Variants in ARHGAP40 observed in about 807,000 individuals in gnomAD.
ARHGAP40 encodes the protein Rho GTPase activating protein 40.
A neutral mutation model predicts 73.5 loss-of-function variants in ARHGAP40; 43 were observed. The ratio of observed to expected loss-of-function variants is 0.58; its 90% CI spans 0.46 to 0.75. The LOEUF is 0.75. Ranked by LOEUF, ARHGAP40 falls within the 30% of genes least tolerant of loss-of-function variation. ARHGAP40 has a pLI of 0.00. For missense variants in ARHGAP40, 734 were observed against 861.8 expected, an observed-to-expected ratio of 0.85 and a Z score of 1.86; for synonymous variants, 300 against 352.8, an observed-to-expected ratio of 0.85 and a Z score of 1.68.
intron 5 of ARHGAP40, among the ~76,000 whole-genome samples, chr20:38,632,717 T>A (rs576352896): frequency 1.3e-5 from 2 of 152,140 alleles, no homozygotes; most frequent in African/African-American, 4.8e-5. Flanking sequence ...GGCGCACACC[T>A]GTAATGCCAG....
At chr20:38,642,969 C>T (rs567950424) in intron 10 of ARHGAP40, among the ~76,000 whole-genome samples, 2 of 152,060 alleles carry the variant, frequency 1.3e-5, no homozygotes, top group Admixed American at 6.5e-5. Context: ...GGTGAAACCC[C>T]GTCTGTACTA....
chr20:38,640,644 A>G (rs1468269236), intron 9 of ARHGAP40, among the ~76,000 whole-genome samples: 1 of 151,964 alleles, frequency 6.6e-6, no homozygotes, highest in Non-Finnish European at 1.5e-5. Context: ...GGTCCTGCCT[A>G]TTTCTGGCCC....
In ARHGAP40 at chr20:38,601,908, A is replaced by C. The variant is rs1245942919; in HGVS notation, c.-35A>C. ...ATCGAGTCAGCCCCACGGCGGCAGC[A>C]CCACGACCGACCGGGATCCTCGAGG... On this transcript the variant is annotated 5_prime_UTR_variant, in exon 1 of 15. Coordinates refer to ENST00000373345, the Ensembl canonical transcript of ARHGAP40. The C allele has an allele frequency of 6.2e-6, 8 of 1,287,218 alleles. No individual in the cohort carries two copies. In the East Asian group the frequency reaches 2.8e-4, roughly 45 times the overall value. 79.7% of individuals were successfully genotyped at this position (1,287,218 alleles called of 1,614,324 possible). A position where few individuals can be genotyped will look rare whatever the true frequency, so the allele number is the denominator to read the frequency against.
At chr20:38,609,928 C>T (rs1351512735) in intron 1 of ARHGAP40, among the ~76,000 whole-genome samples, 2 of 152,166 alleles carry the variant, frequency 1.3e-5, no homozygotes, top group Admixed American at 6.5e-5. Context: ...CCCTTGAGTG[C>T]GTAATGGAAG....
At chr20:38,628,661 G>A (rs1381266409) in intron 3 of ARHGAP40, among the ~76,000 whole-genome samples, 2 of 152,186 alleles carry the variant, frequency 1.3e-5, no homozygotes, top group African/African-American at 4.8e-5. Context: ...AAGCCTGATA[G>A]GTTGTGGGCA....
chr20:38,637,338 A>G (rs947337942), intron 6 of ARHGAP40, among the ~76,000 whole-genome samples: 2 of 151,978 alleles, frequency 1.3e-5, no homozygotes, highest in African/African-American at 2.4e-5. Context: ...TAGTAGAGAC[A>G]GGGTTTCGCC....
intron 3 of ARHGAP40, among the ~76,000 whole-genome samples, chr20:38,628,069 A>T (rs1423356585): frequency 6.6e-6 from 1 of 152,214 alleles, no homozygotes; most frequent in African/African-American, 2.4e-5. Context: ...CAGGGGCAGG[A>T]CCACCCTATA....
intron 1 of ARHGAP40, among the ~76,000 whole-genome samples, chr20:38,614,362 CTTTT>C (rs962368841): frequency 1.3e-5 from 2 of 151,452 alleles, no homozygotes; most frequent in African/African-American, 4.9e-5. Context: ...TTCTTTCTTT[CTTTT>C]TTTTTGAGTT....
At chr20:38,634,882 C>CTT in intron 6 of ARHGAP40, 97 bp downstream of exon 6, 2 of 1,006,568 alleles carry the variant, frequency 2.0e-6, no homozygotes, top group South Asian at 1.9e-5. Flanking sequence ...CTTTGTCTTT[C>CTT]TTTCTTTTTT....
Position 38,646,805 on chromosome 20 carries a change from G to A in ARHGAP40, c.1711-152G>A, listed in dbSNP as rs2089056429. On this transcript the variant is annotated intron_variant, in intron 12 of 14. Transcript: ENST00000373345. The surrounding 1 kb of genome is among the most constrained non-coding windows in gnomAD (Gnocchi z 4.5). ...TGGAATGTGTATGTCTGTGATCTGT[G>A]CCCAAGTGTCCGGTATGCGTGTGTG... Among the ~76,000 whole-genome samples the A allele has an allele frequency of 6.6e-6, 1 of 152,180 alleles. No individual in the cohort carries two copies. The highest frequency in any genetic ancestry group is 2.4e-5 in the African/African-American group (1 of 41,436).
At chr20:38,613,332 G>A (rs2145595711) in intron 1 of ARHGAP40, among the ~76,000 whole-genome samples, 1 of 152,264 alleles carries the variant, frequency 6.6e-6, no homozygotes, top group South Asian at 2.1e-4. Context: ...AGAGTGCTAT[G>A]TGAGAATTCT....
Position 38,643,695 on chromosome 20 carries a change from C to T in ARHGAP40, c.1363-9C>T, listed in dbSNP as rs1456175351. On this transcript the variant is annotated splice_polypyrimidine_tract_variant and intron_variant, in intron 10 of 14. Transcript: ENST00000373345. ...TGAGATTTGAGGGAGGCTCTGCACC[C>T]TTCCCTAGGCACTGCTGGAATTCCT... is the stretch of plus-strand genomic sequence containing the variant. 7.7e-7 allele frequency: 1 copy of T among 1,305,600 alleles called. No individual in the cohort carries two copies. Among genetic ancestry groups the T allele is most frequent in the South Asian group, 1.2e-5 (1 of 81,020 alleles). 80.9% of individuals were successfully genotyped at this position (1,305,600 alleles called of 1,614,324 possible). A position where few individuals can be genotyped will look rare whatever the true frequency, so the allele number is the denominator to read the frequency against.
At chr20:38,639,251 G>A (rs2088997810) in exon 9 of ARHGAP40, 1 of 1,305,480 alleles carries the variant, frequency 7.7e-7, no homozygotes. Context: ...ACTGGAGAGA[G>A]ACTTCTATGC....
intron 1 of ARHGAP40, among the ~76,000 whole-genome samples, chr20:38,610,895 CTT>C (rs1409196101): frequency 9.5e-6 from 1 of 105,674 alleles, no homozygotes; most frequent in African/African-American, 3.1e-5. Context: ...TTTTTTTTTT[CTT>C]TTTTTTTTTT....
rs1253754192 is a variant in ARHGAP40 at position 38,615,288 on chromosome 20, G to A, written c.138-8071G>A. 7 of 773,120 alleles carry A rather than the reference G, an allele frequency of 9.1e-6. No individual in the cohort carries two copies. In the African/African-American group the frequency reaches 1.0e-4, roughly 11 times the overall value. 47.9% of individuals were successfully genotyped at this position (773,120 alleles called of 1,614,324 possible). ...AACTTTTCTATGTTCATCCACTCCG[G>A]AGGGAGCAGTCGACATTTCTGCTTT... On this transcript the variant is annotated intron_variant, in intron 1 of 14. Coordinates refer to ENST00000373345, the Ensembl canonical transcript of ARHGAP40.
At chr20:38,649,835 A>G in exon 15 of ARHGAP40, 1 of 1,305,300 alleles carries the variant, frequency 7.7e-7, no homozygotes, top group Non-Finnish European at 1.0e-6. Context: ...GTCCTTAAAC[A>G]GAACCCCACC....
At chr20:38,606,110 C>T (rs1348345483) in intron 1 of ARHGAP40, among the ~76,000 whole-genome samples, 1 of 152,178 alleles carries the variant, frequency 6.6e-6, no homozygotes, top group East Asian at 1.9e-4. Flanking sequence ...ATCCTCCTGC[C>T]TCAGCCTCCC....
intron 1 of ARHGAP40, among the ~76,000 whole-genome samples, chr20:38,603,196 C>T (rs1293210717): frequency 6.6e-6 from 1 of 152,138 alleles, no homozygotes; most frequent in Non-Finnish European, 1.5e-5. Context: ...TGATCCTGAT[C>T]GTAGGACAAC....
chr20:38,643,624 TTCA>T (rs2089033124), intron 10 of ARHGAP40, 77 bp from the exon 11 acceptor site: 1 of 1,161,642 alleles, frequency 8.6e-7, no homozygotes, highest in African/African-American at 1.6e-5. Flanking sequence ...CCCCTTATCA[TTCA>T]TCAGAATGCC....
Sources: allele counts gnomAD v4.1 joint callset (sites outside exome capture counted in the v4.1 genomes callset), GRCh38; gene constraint gnomAD v4.1.1; non-coding constraint Gnocchi (gnomAD v3.1); transcripts MANE v1.5; gene names NCBI Gene and HGNC (gene_info 2026-07-23, HGNC 2026-07-21).